The following ASAP2 variants were observed in gnomAD, a reference collection of about 807,000 sequenced individuals.
ASAP2 encodes the protein ArfGAP with SH3 domain, ankyrin repeat and PH domain 2, also known as arf-GAP with SH3 domain, ANK repeat and PH domain-containing protein 2.
A neutral mutation model predicts 131.4 loss-of-function variants in ASAP2; 45 were observed. That is an observed-to-expected ratio of 0.34 (90% CI 0.27 to 0.44). The LOEUF (loss-of-function observed/expected upper bound fraction) is 0.44, where lower values mean the gene tolerates loss of function less well. ASAP2 is among the 20% of genes least tolerant of loss of function. The pLI, the probability that ASAP2 is intolerant of heterozygous loss-of-function variation, is 1.00. For missense variants in ASAP2, 1,011 were observed against 1,297.0 expected, an observed-to-expected ratio of 0.78 and a Z score of 3.39; for synonymous variants, 510 against 503.0, an observed-to-expected ratio of 1.01 and a Z score of -0.19.
intron 1 of ASAP2, among the ~76,000 whole-genome samples, chr2:9,278,946 T>C (rs1458399580): frequency 6.6e-6 from 1 of 152,152 alleles, no homozygotes; most frequent in Non-Finnish European, 1.5e-5. Flanking sequence ...GGCAGGGGCA[T>C]CCTGGAGCCT....
At chr2:9,212,885 G>A (rs947379635) in intron 1 of ASAP2, among the ~76,000 whole-genome samples, 1 of 152,218 alleles carries the variant, frequency 6.6e-6, no homozygotes, top group Non-Finnish European at 1.5e-5. Flanking sequence ...GTGAGAGCTT[G>A]CGAAGCACTG....
At chr2:9,312,831 T>C (rs1669393208) in intron 3 of ASAP2, among the ~76,000 whole-genome samples, 2 of 152,140 alleles carry the variant, frequency 1.3e-5, no homozygotes, top group Admixed American at 1.3e-4. Flanking sequence ...GTGGCTCCTT[T>C]ACAGTGGTCA....
intron 9 of ASAP2, among the ~76,000 whole-genome samples, chr2:9,341,298 C>T (rs1258859095): frequency 1.3e-5 from 2 of 152,142 alleles, no homozygotes; most frequent in Non-Finnish European, 2.9e-5. Context: ...CTAGAGGATA[C>T]TGAAGTAATT....
intron 20 of ASAP2, among the ~76,000 whole-genome samples, chr2:9,384,960 C>CATGTT (rs1463292311): frequency 2.0e-5 from 3 of 152,348 alleles, no homozygotes; most frequent in Non-Finnish European, 4.4e-5. Context: ...CTTAACACTC[C>CATGTT]ATGTTATAAC....
intron 4 of ASAP2, among the ~76,000 whole-genome samples, chr2:9,319,119 G>A (rs1296859850): frequency 6.6e-6 from 1 of 152,072 alleles, no homozygotes; most frequent in Non-Finnish European, 1.5e-5. Flanking sequence ...AGCAGACGGG[G>A]CTGGAGGGGC....
rs13411384 is a variant in ASAP2 at position 9,378,926 on chromosome 2, G to C, written c.1833-18G>C. ...CTGTGACACACTATGCTCTCTCTCT[G>C]TTCCTGTTCTCGGGCAGTGGGAACC... On this transcript the variant is annotated intron_variant, in intron 18 of 27. Transcript: ENST00000281419. 17,732 of 1,427,846 alleles carry C rather than the reference G, an allele frequency of 0.012. 895 individuals are homozygous for C. Among genetic ancestry groups the C allele is most frequent in the African/African-American group, 0.12 (8,448 of 68,574 alleles). 88.4% of individuals were successfully genotyped at this position (1,427,846 alleles called of 1,614,324 possible).
At chr2:9,299,036 A>G (rs1277467815) in intron 3 of ASAP2, among the ~76,000 whole-genome samples, 1 of 152,186 alleles carries the variant, frequency 6.6e-6, no homozygotes, top group African/African-American at 2.4e-5. Context: ...AAAAAGACCA[A>G]AAAGTGGGAA....
At chr2:9,264,348 G>A (rs578120310) in intron 1 of ASAP2, among the ~76,000 whole-genome samples, 1 of 152,178 alleles carries the variant, frequency 6.6e-6, no homozygotes, top group African/African-American at 2.4e-5. Context: ...GACTGGGGGG[G>A]CCCGTGCTGG....
At chr2:9,220,518 TGGA>T (rs1329067928) in intron 1 of ASAP2, among the ~76,000 whole-genome samples, 5 of 152,252 alleles carry the variant, frequency 3.3e-5, no homozygotes, top group Admixed American at 3.3e-4. Context: ...GTATCTTCTT[TGGA>T]GAACTATCTA....
At chr2:9,371,838 C>G (rs1180408535) in intron 16 of ASAP2, among the ~76,000 whole-genome samples, 1 of 152,120 alleles carries the variant, frequency 6.6e-6, no homozygotes, top group Non-Finnish European at 1.5e-5. Context: ...GAGGGAGGGC[C>G]GGGCGCGGTG....
intron 4 of ASAP2, among the ~76,000 whole-genome samples, chr2:9,319,469 G>GTA (rs1670016526): frequency 6.6e-6 from 1 of 152,228 alleles, no homozygotes; most frequent in Admixed American, 6.5e-5. Context: ...CAGGTCAGCG[G>GTA]AGTTAGCCCA....
intron 12 of ASAP2, among the ~76,000 whole-genome samples, chr2:9,351,777 T>C (rs1672349242): frequency 6.6e-6 from 1 of 152,180 alleles, no homozygotes; most frequent in African/African-American, 2.4e-5. Flanking sequence ...AAACTGCGGG[T>C]AATTATCACT....
intron 3 of ASAP2, among the ~76,000 whole-genome samples, chr2:9,298,981 C>T (rs774764181): frequency 2.6e-5 from 4 of 152,072 alleles, no homozygotes; most frequent in Non-Finnish European, 5.9e-5. Flanking sequence ...ATTAAAAATC[C>T]AACAGGAAGG....
At position 9,374,832 on chromosome 2, in the gene ASAP2, C is replaced by T. The variant is rs768539515; in HGVS notation, c.1634C>T (p.Ala545Val). The change falls in exon 17 of 28, where the codon GCG (alanine) becomes GTG (valine). Residue 545 changes from alanine (A) to valine (V), a missense_variant. Ala to Val is a moderately conservative substitution (Grantham distance 64, BLOSUM62 0). This residue lies in a region of ASAP2 where 652 missense variants were observed against 698.9 expected (regional missense o/e 0.93). Coordinates refer to ENST00000281419, the MANE Select transcript of ASAP2 (RefSeq NM_003887.3). Reference sequence around the variant, plus strand: ...AGGAAGAAGCACGCGGATAACGCGGCGAAGCTTCACAGTCTTTGCGAGGCC... The same window carrying T: ...AGGAAGAAGCACGCGGATAACGCGGTGAAGCTTCACAGTCTTTGCGAGGCC... ...YARKKHADNA[A>V]KLHSLCEAVK... 14 of 1,614,028 alleles carry T rather than the reference C, an allele frequency of 8.7e-6. No homozygotes were observed. Among genetic ancestry groups the T allele is most frequent in the Non-Finnish European group, 1.2e-5 (14 of 1,179,984 alleles).
In ASAP2 at chr2:9,378,924, CTG is replaced by C. The variant is rs756170798; in HGVS notation, c.1833-18_1833-17del. 7.0e-7 allele frequency: 1 copy of C among 1,419,176 alleles called. No individual in the cohort carries two copies. Among genetic ancestry groups the C allele is most frequent in the African/African-American group, 1.5e-5 (1 of 68,496 alleles). 87.9% of individuals were successfully genotyped at this position (1,419,176 alleles called of 1,614,324 possible). A position where few individuals can be genotyped will look rare whatever the true frequency, so the allele number is the denominator to read the frequency against. On this transcript the variant is annotated intron_variant, in intron 18 of 27. Coordinates refer to ENST00000281419, the MANE Select transcript of ASAP2 (RefSeq NM_003887.3). The stretch of plus-strand genomic sequence containing the variant: ...GCCTGTGACACACTATGCTCTCTCT[CTG>C]TTCCTGTTCTCGGGCAGTGGGAACC...
At chr2:9,276,417 G>A (rs1301713414) in intron 1 of ASAP2, among the ~76,000 whole-genome samples, 2 of 152,188 alleles carry the variant, frequency 1.3e-5, no homozygotes, top group Non-Finnish European at 2.9e-5. Flanking sequence ...AGAGAAGCAG[G>A]CAGAGCTCAG....
chr2:9,331,084 C>G (rs758760649), intron 7 of ASAP2, among the ~76,000 whole-genome samples: 4 of 152,222 alleles, frequency 2.6e-5, no homozygotes, highest in Non-Finnish European at 4.4e-5. Flanking sequence ...CCACCACACA[C>G]GCCCAGTTTC....
At chr2:9,365,349 G>A (rs1209955182) in intron 15 of ASAP2, among the ~76,000 whole-genome samples, 1 of 152,150 alleles carries the variant, frequency 6.6e-6, no homozygotes, top group Non-Finnish European at 1.5e-5. Flanking sequence ...CTGACCTTGG[G>A]GTCTCCTGAG....
chr2:9,217,801 A>G lies in ASAP2; in HGVS notation c.126+10571A>G, dbSNP rs1662157639. On this transcript the variant is annotated intron_variant, in intron 1 of 27. Transcript: ENST00000281419. The surrounding 1 kb of genome is among the most constrained non-coding windows in gnomAD (Gnocchi z 4.0). ...GGCTAATTTTTGGTATTTTTAGTAG[A>G]GACGGGGTTTCACTGTGTTAGCCAG... is the stretch of plus-strand genomic sequence containing the variant. Among the ~76,000 whole-genome samples, 1 of 151,444 alleles carries G rather than the reference A, an allele frequency of 6.6e-6. No individual in the cohort carries two copies. Among genetic ancestry groups the G allele is most frequent in the Non-Finnish European group, 1.5e-5 (1 of 67,928 alleles).
Sources: allele counts gnomAD v4.1 joint callset (sites outside exome capture counted in the v4.1 genomes callset), GRCh38; gene constraint gnomAD v4.1.1; regional missense constraint gnomAD v4.1.1; non-coding constraint Gnocchi (gnomAD v3.1); transcripts MANE v1.5; gene names NCBI Gene and HGNC (gene_info 2026-07-23, HGNC 2026-07-21).